The following ESCO2 variants were observed in gnomAD, a reference collection of about 807,000 sequenced individuals.
ESCO2 encodes establishment of sister chromatid cohesion N-acetyltransferase 2, also known as N-acetyltransferase ESCO2.
ESCO2 carries 51 observed loss-of-function variants against 61.7 expected under a neutral mutation model. That is an observed-to-expected ratio of 0.83 (90% CI 0.66 to 1.04). The LOEUF is 1.04. Ranked by LOEUF, ESCO2 falls within the 50% of genes least tolerant of loss-of-function variation. ESCO2 has a pLI of 0.00. For synonymous variants in ESCO2, 230 were observed against 238.2 expected (o/e 0.97, Z 0.32); for missense variants, 692 against 686.2 (o/e 1.01, Z -0.09).
At chr8:27,800,988 T>C (rs1805410934) in intron 10 of ESCO2, among the ~76,000 whole-genome samples, 1 of 152,124 alleles carries the variant, frequency 6.6e-6, no homozygotes, top group Admixed American at 6.5e-5. Context: ...TTTGGGATGA[T>C]AAAAATGTTC....
chr8:27,800,252 G>T (rs1372985131), intron 10 of ESCO2, among the ~76,000 whole-genome samples: 3 of 152,116 alleles, frequency 2.0e-5, no homozygotes, highest in East Asian at 3.8e-4. Context: ...TTGTCTAAGG[G>T]TCTAATACCC....
intron 4 of ESCO2, among the ~76,000 whole-genome samples, chr8:27,780,569 C>T (rs1490346153): frequency 2.6e-5 from 4 of 152,180 alleles, no homozygotes. Context: ...TAAAATCATA[C>T]CTACTCTATC....
chr8:27,811,252 A>T, downstream of ESCO2: 1 of 812,380 alleles, frequency 1.2e-6, no homozygotes, highest in Non-Finnish European at 2.0e-6. Flanking sequence ...CAGTGTAGCC[A>T]GAAAATGTAA....
Position 27,805,206 on chromosome 8 carries a change from C to T in ESCO2, c.*1768C>T, listed in dbSNP as rs1585414687. On this transcript the variant is annotated 3_prime_UTR_variant, in exon 11 of 11. Coordinates refer to ENST00000305188, the MANE Select transcript of ESCO2 (RefSeq NM_001017420.3). ...CTGAGGCAGGAGAATGGCGTGAACC[C>T]GGGAGGCGAGCTTGCAGTGAGCCGA... 1.1e-5 allele frequency: 1 copy of T among 92,418 alleles called. No individual in the cohort carries two copies. Among genetic ancestry groups the T allele is most frequent in the South Asian group, 4.1e-4 (1 of 2,458 alleles). The allele number at this position is 92,418 out of a possible 1,614,324, so 5.7% of individuals were successfully genotyped here. A position where few individuals can be genotyped will look rare whatever the true frequency, so the allele number is the denominator to read the frequency against.
downstream of ESCO2, chr8:27,811,205 CA>C: frequency 7.3e-7 from 1 of 1,375,604 alleles, no homozygotes; most frequent in Non-Finnish European, 1.0e-6. Context: ...CAAAGGGAAA[CA>C]GGCGAACGAT....
intron 7 of ESCO2, 60 bp downstream of exon 7, chr8:27,789,038 T>C (rs1276348066): frequency 6.2e-7 from 1 of 1,606,528 alleles, no homozygotes; most frequent in Non-Finnish European, 8.5e-7. Flanking sequence ...AGACATTTCT[T>C]TTCCACCACC....
In ESCO2 at chr8:27,787,748, T is replaced by C. The variant is rs1805078205; in HGVS notation, c.1014-137T>C. 1.9e-5 allele frequency: 13 copies of C among 677,064 alleles called. No individual in the cohort carries two copies. The South Asian group carries it at 2.2e-4, about 11-fold the overall frequency. 41.9% of individuals were successfully genotyped at this position (677,064 alleles called of 1,614,324 possible). On this transcript the variant is annotated intron_variant, in intron 5 of 10. Coordinates refer to ENST00000305188, the MANE Select transcript of ESCO2 (RefSeq NM_001017420.3). ...TAGGCCTCAGGTTTCTCTTTGTTCC[T>C]GTCCTTATTACTTCATCAAGTTAAT... is the stretch of plus-strand genomic sequence containing the variant.
intron 3 of ESCO2, chr8:27,778,157 A>G (rs1316578016): frequency 6.6e-6 from 1 of 152,242 alleles, no homozygotes; most frequent in Non-Finnish European, 1.5e-5. Flanking sequence ...CATGGCAATA[A>G]TCAGAGCTGA....
downstream of ESCO2, among the ~76,000 whole-genome samples, chr8:27,817,227 T>C (rs1262689459): frequency 6.6e-6 from 1 of 152,130 alleles, no homozygotes; most frequent in Non-Finnish European, 1.5e-5. Context: ...TTCATCTTGA[T>C]GAAAAGTATC....
In ESCO2 at chr8:27,803,549, T is replaced by TACACACACACAC. The variant is rs56062620; in HGVS notation, c.*118_*129dup. On this transcript the variant is annotated 3_prime_UTR_variant, in exon 11 of 11. Transcript: ENST00000305188. Reference sequence around the variant, plus strand: ...TAAAAAATACCGAGACTCACACTCATACACACACACACACACACGCACACA... The same window carrying TACACACACACAC: ...TAAAAAATACCGAGACTCACACTCATACACACACACACACACACACACACACACACGCACACA... 464 of 1,323,906 alleles carry TACACACACACAC rather than the reference T, an allele frequency of 3.5e-4. 5 individuals carry two copies. The highest frequency in any genetic ancestry group is 3.2e-3 in the South Asian group (205 of 64,622). 82.0% of individuals were successfully genotyped at this position (1,323,906 alleles called of 1,614,324 possible). A position where few individuals can be genotyped will look rare whatever the true frequency, so the allele number is the denominator to read the frequency against.
Position 27,776,683 on chromosome 8 carries a change from A to T in ESCO2, c.375A>T (p.Lys125Asn). The T allele has an allele frequency of 6.2e-7, 1 of 1,613,834 alleles. No homozygotes were observed. Among genetic ancestry groups the T allele is most frequent in the Non-Finnish European group, 8.5e-7 (1 of 1,180,020 alleles). The change falls in exon 3 of 11, where the codon AAA becomes AAT. Residue 125 changes from lysine to asparagine, a missense_variant. Physicochemically the swap from Lys to Asn is moderately conservative, Grantham distance 94. Transcript: ENST00000305188. ...EDKSFPIVTE[K>N]MQGKPVCSKK... ...AATCTTTTCCCATTGTGACAGAAAA[A>T]ATGCAAGGAAAACCAGTCTGCTCCA...
intron 6 of ESCO2, among the ~76,000 whole-genome samples, chr8:27,788,606 A>C: frequency 6.6e-6 from 1 of 151,222 alleles, no homozygotes; most frequent in East Asian, 1.9e-4. Context: ...TGATCCACCC[A>C]CCTCAGCCTC....
Position 27,776,495 on chromosome 8 carries a change from A to G in ESCO2, c.187A>G (p.Thr63Ala). 1.2e-6 allele frequency: 2 copies of G among 1,613,576 alleles called. No individual in the cohort carries two copies. Among genetic ancestry groups the G allele is most frequent in the Non-Finnish European group, 1.7e-6 (2 of 1,179,888 alleles). Residue 63 changes from threonine (T) to alanine (A), a missense_variant, in exon 3 of 11, where the codon ACT becomes GCT. Coordinates refer to ENST00000305188, the MANE Select transcript of ESCO2 (RefSeq NM_001017420.3). ...EHFVLSALKT[T>A]EINRLPSANQ... Reference sequence around the variant, plus strand: ...TTTTGTTTTAAGTGCGCTCAAAACAACTGAAATAAATAGACTGCCATCAGC... The same window carrying G: ...TTTTGTTTTAAGTGCGCTCAAAACAGCTGAAATAAATAGACTGCCATCAGC...
chr8:27,776,832 T>C lies in ESCO2; in HGVS notation c.524T>C (p.Ile175Thr). The C allele has an allele frequency of 6.2e-7, 1 of 1,614,152 alleles. No individual in the cohort carries two copies. Among genetic ancestry groups the C allele is most frequent in the South Asian group, 1.1e-5 (1 of 91,080 alleles). ...CAAAATCGAGTGATCTATAAGCCAA[T>C]TGTGGAGAAGGAAAATAATTGTCAT... ...SKQNRVIYKP[I>T]VEKENNCHSA... The change falls in exon 3 of 11, where the codon ATT (isoleucine) becomes ACT (threonine). Residue 175 changes from isoleucine (I) to threonine (T), a missense_variant. Physicochemically the swap from Ile to Thr is moderately conservative, Grantham distance 89. Transcript: ENST00000305188.
rs373491890 is a variant in ESCO2 at position 27,776,611 on chromosome 8, G to A, written c.303G>A (p.Leu101=). 1.4e-5 allele frequency: 22 copies of A among 1,613,958 alleles called. No homozygotes were observed. Among genetic ancestry groups the A allele is most frequent in the Non-Finnish European group, 1.8e-5 (21 of 1,180,016 alleles). ...KWYLNPLERK[L]IKESRSTCLK... Reference sequence around the variant, plus strand: ...ACCTCAATCCACTGGAGAGAAAGCTGATAAAAGAGAGTAGATCTACTTGTC... The same window carrying A: ...ACCTCAATCCACTGGAGAGAAAGCTAATAAAAGAGAGTAGATCTACTTGTC... Residue 101 remains leucine, a synonymous_variant, in exon 3 of 11, where the codon CTG becomes CTA. Transcript: ENST00000305188.
the ESCO2 span, among the ~76,000 whole-genome samples, chr8:27,819,516 C>T: frequency 1.3e-5 from 2 of 151,970 alleles, no homozygotes; most frequent in African/African-American, 4.8e-5. Context: ...GTTTTTGTTT[C>T]CTATTTTATT....
chr8:27,806,756 C>A (rs570841562), downstream of ESCO2, among the ~76,000 whole-genome samples: 70 of 151,968 alleles, frequency 4.6e-4, no homozygotes, highest in African/African-American at 1.7e-3. Flanking sequence ...AGCTGGGATT[C>A]CAGGTGCATG....
intron 7 of ESCO2, among the ~76,000 whole-genome samples, chr8:27,791,443 A>G (rs986139790): frequency 2.6e-5 from 4 of 152,206 alleles, no homozygotes; most frequent in African/African-American, 9.6e-5. Context: ...TTTCAGTACC[A>G]TAATATTTCA....
chr8:27,776,758 A>G lies in ESCO2; in HGVS notation c.450A>G (p.Pro150=), dbSNP rs762248264. Residue 150 remains proline (P), a synonymous_variant, in exon 3 of 11, where the codon CCA becomes CCG. Transcript: ENST00000305188. ...AGAGTTTAACTGCTAAGTATCAACCAAAGTATAGACACATCAAGCCTGTAT... is the reference window on the plus strand; with the variant it reads ...AGAGTTTAACTGCTAAGTATCAACCGAAGTATAGACACATCAAGCCTGTAT... ...PQKSLTAKYQ[P]KYRHIKPVSR... 7 of 1,614,002 alleles carry G rather than the reference A, an allele frequency of 4.3e-6. No homozygotes were observed. Among genetic ancestry groups the G allele is most frequent in the African/African-American group, 1.3e-5 (1 of 75,066 alleles).
Sources: gnomAD v4.1 joint callset for allele counts (sites outside exome capture counted in the v4.1 genomes callset) on GRCh38, gnomAD v4.1.1 for gene constraint, MANE v1.5 for transcripts, NCBI Gene and HGNC (gene_info 2026-07-23, HGNC 2026-07-21) for gene names.